The following FSAF1 variants were observed in gnomAD, a reference collection of about 807,000 sequenced individuals.
FSAF1 encodes 40S small subunit processome assembly factor 1.
At chr1:231,229,180 A>C in the FSAF1 span, 1 of 1,585,166 alleles carries the variant, frequency 6.3e-7, no homozygotes, top group Non-Finnish European at 8.6e-7. Context: ...GTGTATCCAC[A>C]TCTCTCTCCA....
the FSAF1 span, chr1:231,224,469 T>A: frequency 1.3e-6 from 2 of 1,539,038 alleles, no homozygotes; most frequent in Non-Finnish European, 1.8e-6. Context: ...CCAACAAGCA[T>A]CACAGTACCA....
At chr1:231,239,440 G>A in the FSAF1 span, among the ~76,000 whole-genome samples, 2 of 152,256 alleles carry the variant, frequency 1.3e-5, no homozygotes, top group South Asian at 4.1e-4. Context: ...CTCCACTTTG[G>A]TTCCTACTCA....
At chr1:231,229,031 C>A in the FSAF1 span, 2 of 621,760 alleles carry the variant, frequency 3.2e-6, no homozygotes. Flanking sequence ...AACATCTATA[C>A]TACATAGTTT....
At chr1:231,233,585 C>T in the FSAF1 span, among the ~76,000 whole-genome samples, 2 of 152,090 alleles carry the variant, frequency 1.3e-5, no homozygotes, top group Non-Finnish European at 2.9e-5. Flanking sequence ...CGGAGTCTTG[C>T]TCTGTTGCCC....
At chr1:231,239,056 C>G in the FSAF1 span, 2 of 1,614,210 alleles carry the variant, frequency 1.2e-6, no homozygotes, top group South Asian at 2.2e-5. Flanking sequence ...AGCGCTCTTC[C>G]TCTGGCCTCT....
the FSAF1 span, among the ~76,000 whole-genome samples, chr1:231,240,445 T>C: frequency 0.031 from 4,716 of 152,270 alleles, 108 homozygotes; most frequent in South Asian, 0.049. The surrounding 1 kb of genome is among the most constrained non-coding windows in gnomAD (Gnocchi z 4.1). Flanking sequence ...GTCTTCCTAC[T>C]GACATGCCAT....
chr1:231,236,951 GA>G, the FSAF1 span: 1 of 151,578 alleles, frequency 6.6e-6, no homozygotes, highest in African/African-American at 2.4e-5. Flanking sequence ...AGCTTATCTA[GA>G]ATCCTAAAAT....
the FSAF1 span, chr1:231,229,026 C>A: frequency 1.7e-6 from 1 of 584,606 alleles, no homozygotes; most frequent in South Asian, 3.0e-5. Context: ...TACCTAACAT[C>A]TATACTACAT....
chr1:231,227,180 C>G, the FSAF1 span: 1 of 1,080,644 alleles, frequency 9.3e-7, no homozygotes, highest in Non-Finnish European at 1.4e-6. Context: ...TGACAGCGTA[C>G]AGGAATAATA....
the FSAF1 span, among the ~76,000 whole-genome samples, chr1:231,232,290 C>T: frequency 1.3e-5 from 2 of 152,154 alleles, no homozygotes; most frequent in East Asian, 1.9e-4. Flanking sequence ...GGCACACAGG[C>T]GACTCACGCT....
At chr1:231,227,220 T>C in the FSAF1 span, 18 of 776,452 alleles carry the variant, frequency 2.3e-5, no homozygotes, top group Non-Finnish European at 3.2e-5. Context: ...AAAGGAGCTC[T>C]ATGGAGGCTC....
At chr1:231,235,164 C>T in the FSAF1 span, among the ~76,000 whole-genome samples, 1 of 152,178 alleles carries the variant, frequency 6.6e-6, no homozygotes, top group African/African-American at 2.4e-5. Flanking sequence ...TATGTGATCC[C>T]ATACTATTTC....
At chr1:231,234,078 T>C in the FSAF1 span, among the ~76,000 whole-genome samples, 5 of 152,258 alleles carry the variant, frequency 3.3e-5, no homozygotes, top group South Asian at 2.1e-4. The surrounding 1 kb of genome is among the most constrained non-coding windows in gnomAD (Gnocchi z 4.0). Flanking sequence ...ATTGTGAGGA[T>C]TGAGACCATA....
the FSAF1 span, among the ~76,000 whole-genome samples, chr1:231,228,612 A>AAG: frequency 6.6e-6 from 1 of 151,838 alleles, no homozygotes; most frequent in Admixed American, 6.6e-5. Flanking sequence ...AAAAAAAAAA[A>AAG]AAAAGTGAAT....
At chr1:231,240,847 C>T in the FSAF1 span, among the ~76,000 whole-genome samples, 1 of 152,244 alleles carries the variant, frequency 6.6e-6, no homozygotes, top group African/African-American at 2.4e-5. The surrounding 1 kb of genome is among the most constrained non-coding windows in gnomAD (Gnocchi z 4.1). Context: ...AGAGCCCGGT[C>T]GAGGGGTGAC....
the FSAF1 span, among the ~76,000 whole-genome samples, chr1:231,228,994 T>C: frequency 1.3e-5 from 2 of 152,172 alleles, no homozygotes; most frequent in Non-Finnish European, 2.9e-5. Context: ...TGTCTCAAAA[T>C]AAAAACTGTT....
chr1:231,226,510 C>T, the FSAF1 span: 177,652 of 578,386 alleles, frequency 0.31, 28,220 homozygotes, highest in Admixed American at 0.41. Context: ...GCAACAAAAA[C>T]GGACTAAGAC....
the FSAF1 span, among the ~76,000 whole-genome samples, chr1:231,240,472 C>T: frequency 6.6e-6 from 1 of 151,848 alleles, no homozygotes; most frequent in Admixed American, 6.6e-5. The surrounding 1 kb of genome is among the most constrained non-coding windows in gnomAD (Gnocchi z 4.1). Flanking sequence ...TTAATAGGCT[C>T]TTTTATTTTC....
the FSAF1 span, chr1:231,239,142 CCTTTT>C: frequency 6.2e-7 from 1 of 1,600,344 alleles, no homozygotes. Context: ...TCTTGTTTTC[CCTTTT>C]CTTTATGATC....
Sources: gnomAD v4.1 joint callset for allele counts (sites outside exome capture counted in the v4.1 genomes callset) on GRCh38, gnomAD v4.1.1 for gene constraint, Gnocchi (gnomAD v3.1) non-coding constraint, MANE v1.5 for transcripts, NCBI Gene and HGNC (gene_info 2026-07-23, HGNC 2026-07-21) for gene names.